KLF9: variants seen among roughly 807,000 people sequenced by gnomAD.
The protein encoded by KLF9 is Krueppel-like factor 9.
In KLF9, 2 loss-of-function variants were observed where a neutral mutation model predicts 17.3. The ratio of observed to expected loss-of-function variants is 0.12; its 90% CI spans 0.05 to 0.36. The LOEUF (loss-of-function observed/expected upper bound fraction) is 0.36, where lower values mean the gene tolerates loss of function less well. Among genes scored for constraint, KLF9 ranks in the 10% least tolerant of loss-of-function variants. The pLI, the probability that KLF9 is intolerant of heterozygous loss-of-function variation, is 1.00. For synonymous variants in KLF9, 138 were observed against 139.2 expected, an observed-to-expected ratio of 0.99 and a Z score of 0.06; for missense variants, 226 against 333.2, an observed-to-expected ratio of 0.68 and a Z score of 2.51.
Position 70,385,003 on chromosome 9 carries a change from T to C in KLF9, c.*2773A>G, listed in dbSNP as rs2037099697. 6.6e-6 allele frequency: 1 copy of C among 152,492 alleles called. No homozygotes were observed. Among genetic ancestry groups the C allele is most frequent in the Non-Finnish European group, 1.5e-5 (1 of 68,042 alleles). The allele number at this position is 152,492 out of a possible 1,614,324, so 9.4% of individuals were successfully genotyped here. A position where few individuals can be genotyped will look rare whatever the true frequency, so the allele number is the denominator to read the frequency against. ...CTTCCCTAACCAAAGAGAGGAGATA[T>C]CTTAACTCTAAAACTATTAAATTTT... On this transcript the variant is annotated 3_prime_UTR_variant, in exon 2 of 2. Coordinates refer to ENST00000377126, the MANE Select transcript of KLF9 (RefSeq NM_001206.4).
intron 1 of KLF9, among the ~76,000 whole-genome samples, chr9:70,397,435 A>C (rs1293069061): frequency 6.6e-6 from 1 of 151,962 alleles, no homozygotes; most frequent in African/African-American, 2.4e-5. Flanking sequence ...AGATTGCACC[A>C]CTGCACTCCA....
intron 1 of KLF9, among the ~76,000 whole-genome samples, chr9:70,406,566 A>G (rs1166325888): frequency 6.6e-6 from 1 of 152,190 alleles, no homozygotes; most frequent in Non-Finnish European, 1.5e-5. Context: ...TTCAACAAAA[A>G]GTGGGGCGGA....
chr9:70,392,467 C>A (rs1429655090), intron 1 of KLF9, among the ~76,000 whole-genome samples: 1 of 152,128 alleles, frequency 6.6e-6, no homozygotes, highest in Non-Finnish European at 1.5e-5. Flanking sequence ...AATCTCCCAC[C>A]TTTTTAATAC....
Position 70,386,439 on chromosome 9 carries a change from G to A in KLF9, c.*1337C>T, listed in dbSNP as rs2037111061. ...GTTGCCTGCATTCTCCACAAGGGAC[G>A]ATTTTGCAGAGTCTCCTCTGAAATC... On this transcript the variant is annotated 3_prime_UTR_variant, in exon 2 of 2. Transcript: ENST00000377126. 1 of 152,650 alleles carries A rather than the reference G, an allele frequency of 6.6e-6. No individual in the cohort carries two copies. The allele number at this position is 152,650 out of a possible 1,614,324, so 9.5% of individuals were successfully genotyped here.
intron 1 of KLF9, among the ~76,000 whole-genome samples, chr9:70,394,619 G>C (rs2037171947): frequency 6.6e-6 from 1 of 152,076 alleles, no homozygotes; most frequent in Admixed American, 6.6e-5. Flanking sequence ...TGAGAAGAAG[G>C]GGGGGTTATA....
Position 70,387,901 on chromosome 9 carries a change from G to C in KLF9, c.610C>G (p.Arg204Gly). ...YRTHTGEKQF[R>G]CPLCEKRFMR... Reference sequence around the variant, plus strand: ...AAGCGCTTCTCACACAGCGGACAGCGGAACTGCTTTTCCCCAGTGTGGGTC... The same window carrying C: ...AAGCGCTTCTCACACAGCGGACAGCCGAACTGCTTTTCCCCAGTGTGGGTC... Residue 204 changes from arginine (R) to glycine (G), a missense_variant, in exon 2 of 2, where the codon CGC becomes GGC. Transcript: ENST00000377126. 1 of 1,614,138 alleles carries C rather than the reference G, an allele frequency of 6.2e-7. No individual in the cohort carries two copies. The highest frequency in any genetic ancestry group is 8.5e-7 in the Non-Finnish European group (1 of 1,180,028).
intron 1 of KLF9, among the ~76,000 whole-genome samples, chr9:70,406,939 C>A (rs1587742637): frequency 6.9e-6 from 1 of 145,124 alleles, no homozygotes. Context: ...GAAGTCAAGA[C>A]TAACAAATGC....
chr9:70,388,833 T>C (rs749150008), intron 1 of KLF9, among the ~76,000 whole-genome samples: 20 of 152,332 alleles, frequency 1.3e-4, no homozygotes, highest in Admixed American at 3.3e-4. Context: ...AGTCATATTG[T>C]CTTAACACTA....
At position 70,406,700 on chromosome 9, in the gene KLF9, G is replaced by GA. The variant is rs1191123673; in HGVS notation, c.505+6158dup. On this transcript the variant is annotated intron_variant, in intron 1 of 1. Transcript: ENST00000377126. ...CCCTCCTTTCTGCGTGTGTTGCATA[G>GA]AAACAGAAAGTGCCTTTGTACCAAT... Among the ~76,000 whole-genome samples, 5 of 152,036 alleles carry GA rather than the reference G, an allele frequency of 3.3e-5. No homozygotes were observed. In the East Asian group the frequency reaches 9.7e-4, roughly 29 times the overall value.
At position 70,413,405 on chromosome 9, in the gene KLF9, C is replaced by G. The variant is rs1487997650; in HGVS notation, c.-42G>C. On this transcript the variant is annotated 5_prime_UTR_variant, in exon 1 of 2. Coordinates refer to ENST00000377126, the MANE Select transcript of KLF9 (RefSeq NM_001206.4). The surrounding 1 kb of genome is among the most constrained non-coding windows in gnomAD (Gnocchi z 5.6). ...GCCCAGGCGGCGCGGACAAACTTGG[C>G]GGTGGCTGCGGAGGTTCGGCTCGCC... The G allele has an allele frequency of 6.9e-7, 1 of 1,450,736 alleles. No homozygotes were observed. Among genetic ancestry groups the G allele is most frequent in the East Asian group, 2.5e-5 (1 of 39,480 alleles). The allele number at this position is 1,450,736 out of a possible 1,614,324, so 89.9% of individuals were successfully genotyped here.
chr9:70,411,467 T>C (rs1888154), intron 1 of KLF9, among the ~76,000 whole-genome samples: 151,836 of 152,292 alleles, frequency 1, 75,690 homozygotes, highest in Middle Eastern at 1. Context: ...AGCCTTAAAA[T>C]GTGCTGTTTT....
intron 1 of KLF9, among the ~76,000 whole-genome samples, chr9:70,394,298 T>TACACACACACACACAC (rs61688107): frequency 6.1e-4 from 91 of 150,402 alleles, no homozygotes; most frequent in Middle Eastern, 3.4e-3. Context: ...TAACAGCTCA[T>TACACACACACACACAC]ACACACACAC....
intron 1 of KLF9, among the ~76,000 whole-genome samples, chr9:70,398,613 C>T (rs1309851137): frequency 6.6e-6 from 1 of 151,964 alleles, no homozygotes; most frequent in Non-Finnish European, 1.5e-5. Flanking sequence ...CTCAGTCTCC[C>T]AAGTAGCTGG....
intron 1 of KLF9, among the ~76,000 whole-genome samples, chr9:70,394,781 A>G (rs971081408): frequency 6.6e-6 from 1 of 152,244 alleles, no homozygotes; most frequent in Non-Finnish European, 1.5e-5. Flanking sequence ...AGTCAGAATA[A>G]GCCTAACAAT....
At chr9:70,397,491 G>A (rs1422671163) in intron 1 of KLF9, among the ~76,000 whole-genome samples, 4 of 151,110 alleles carry the variant, frequency 2.6e-5, no homozygotes, top group East Asian at 1.9e-4. Flanking sequence ...AAAACAAAAC[G>A]GAGAAAGTCA....
At chr9:70,393,042 TC>T (rs2037162075) in intron 1 of KLF9, among the ~76,000 whole-genome samples, 1 of 152,072 alleles carries the variant, frequency 6.6e-6, no homozygotes, top group Non-Finnish European at 1.5e-5. Context: ...TATATACCAC[TC>T]CCCGCCCCTT....
At chr9:70,392,567 A>C (rs2037159029) in intron 1 of KLF9, among the ~76,000 whole-genome samples, 1 of 152,234 alleles carries the variant, frequency 6.6e-6, no homozygotes, top group African/African-American at 2.4e-5. Context: ...GGTATTATTT[A>C]GAAAATGATA....
chr9:70,408,097 G>A (rs1028032445), intron 1 of KLF9, among the ~76,000 whole-genome samples: 11 of 152,212 alleles, frequency 7.2e-5, no homozygotes, highest in Admixed American at 7.2e-4. Flanking sequence ...GGGGAGGCCA[G>A]GCGCAGTGGC....
At chr9:70,399,364 C>T (rs1410436366) in intron 1 of KLF9, among the ~76,000 whole-genome samples, 1 of 152,204 alleles carries the variant, frequency 6.6e-6, no homozygotes, top group Non-Finnish European at 1.5e-5. Context: ...AACCACATAG[C>T]TAGCCCTTCA....
Sources: gnomAD v4.1 joint callset for allele counts (sites outside exome capture counted in the v4.1 genomes callset) on GRCh38, gnomAD v4.1.1 for gene constraint, Gnocchi (gnomAD v3.1) non-coding constraint, MANE v1.5 for transcripts, NCBI Gene and HGNC (gene_info 2026-07-23, HGNC 2026-07-21) for gene names.